AHNAK: variants seen among roughly 807,000 people sequenced by gnomAD.
The protein encoded by AHNAK is AHNAK nucleoprotein.
Under a neutral mutation model 37.8 loss-of-function variants are expected in AHNAK, and 23 were observed. The observed-to-expected ratio is 0.61, with a 90% CI of 0.44 to 0.86. The LOEUF (loss-of-function observed/expected upper bound fraction) is 0.86. Ranked by LOEUF, AHNAK falls within the 40% of genes least tolerant of loss-of-function variation. The probability of loss-of-function intolerance (pLI) is 0.00; values close to 1 mark genes in which losing one functional copy is unlikely to be tolerated. For synonymous variants in AHNAK, 2,481 were observed against 2,636.3 expected, an observed-to-expected ratio of 0.94 and a Z score of 1.80; for missense variants, 7,411 against 7,319.4, an observed-to-expected ratio of 1.01 and a Z score of -0.46.
intron 5 of AHNAK, among the ~76,000 whole-genome samples, chr11:62,482,573 TC>T (rs577662418): frequency 3.9e-4 from 60 of 152,228 alleles, no homozygotes; most frequent in Non-Finnish European, 7.4e-4. Flanking sequence ...TTGCACCTAC[TC>T]ACGAGAGCTA....
At chr11:62,478,103 G>C (rs1011275875) in intron 5 of AHNAK, among the ~76,000 whole-genome samples, 1 of 152,196 alleles carries the variant, frequency 6.6e-6, no homozygotes, top group African/African-American at 2.4e-5. Context: ...CTTAAGAGCA[G>C]AGCCCCTGGC....
chr11:62,539,833 T>C (rs1941069454), intron 1 of AHNAK, among the ~76,000 whole-genome samples: 1 of 152,236 alleles, frequency 6.6e-6, no homozygotes, highest in Non-Finnish European at 1.5e-5. Flanking sequence ...GTGGCCCTGC[T>C]GTCCTGGCAC....
chr11:62,538,696 C>T (rs555402326), intron 1 of AHNAK, among the ~76,000 whole-genome samples: 17 of 152,362 alleles, frequency 1.1e-4, no homozygotes, highest in East Asian at 7.7e-4. Flanking sequence ...ACATCACTCA[C>T]GCACCCATGT....
intron 4 of AHNAK, among the ~76,000 whole-genome samples, chr11:62,508,450 A>G (rs1409293037): frequency 6.6e-6 from 1 of 152,204 alleles, no homozygotes; most frequent in African/African-American, 2.4e-5. Flanking sequence ...GTGAGATCTC[A>G]AGAGATAAAG....
intron 5 of AHNAK, among the ~76,000 whole-genome samples, chr11:62,456,671 C>T (rs963304189): frequency 3.3e-5 from 5 of 152,100 alleles, no homozygotes; most frequent in African/African-American, 7.2e-5. Context: ...TGTCACCCCA[C>T]GAGCCCATCA....
At chr11:62,546,227 G>C (rs906467964) in intron 1 of AHNAK, among the ~76,000 whole-genome samples, 3 of 152,174 alleles carry the variant, frequency 2.0e-5, no homozygotes, top group Non-Finnish European at 4.4e-5. Flanking sequence ...GAGGCGCGGA[G>C]GCGCTGGGGG....
Position 62,530,037 on chromosome 11 carries a change from C to G in AHNAK, c.4380G>C (p.Leu1460Phe). ...KISIPDVGLH[L>F]KGPKMKGDYD... Reference sequence around the variant, plus strand: ...AATCTCCTTTCATTTTAGGACCTTTCAAATGCAAACCAACATCTGGTATGG... The same window carrying G: ...AATCTCCTTTCATTTTAGGACCTTTGAAATGCAAACCAACATCTGGTATGG... Residue 1460 changes from leucine (L) to phenylalanine (F), a missense_variant, in exon 5 of 5, where the codon TTG (leucine) becomes TTC (phenylalanine). By Grantham distance (22) the Leu-to-Phe change is conservative. Transcript: ENST00000378024. 6.2e-7 allele frequency: 1 copy of G among 1,613,958 alleles called. No homozygotes were observed. The highest frequency in any genetic ancestry group is 8.5e-7 in the Non-Finnish European group (1 of 1,179,990).
At chr11:62,445,540 A>C (rs2513066) in intron 5 of AHNAK, among the ~76,000 whole-genome samples, 5,595 of 152,184 alleles carry the variant, frequency 0.037, 353 homozygotes, top group African/African-American at 0.13. Context: ...AAGTGAGAGA[A>C]CAGGGGTAAT....
rs1940719328 is a variant in AHNAK, at chr11:62,530,915, C to G, written c.3502G>C (p.Asp1168His). 2 of 1,613,814 alleles carry G rather than the reference C, an allele frequency of 1.2e-6. No individual in the cohort carries two copies. Among genetic ancestry groups the G allele is most frequent in the Non-Finnish European group, 1.7e-6 (2 of 1,179,994 alleles). Residue 1168 changes from aspartate to histidine, a missense_variant, in exon 5 of 5, where the codon GAT (aspartate) becomes CAT (histidine). Coordinates refer to ENST00000378024, the MANE Select transcript of AHNAK (RefSeq NM_001620.3). ...CCTTCTGGACCTTCGAGGCTCACAT[C>G]TGGGGCTTCGATGTCCACCTTGGGT... ...SGPKVDIEAP[D>H]VSLEGPEGKL...
At chr11:62,489,751 G>A (rs1939465704) in intron 5 of AHNAK, among the ~76,000 whole-genome samples, 1 of 151,980 alleles carries the variant, frequency 6.6e-6, no homozygotes, top group Non-Finnish European at 1.5e-5. Context: ...GCCCCAAGAG[G>A]TTGCCCGGAG....
intron 5 of AHNAK, among the ~76,000 whole-genome samples, chr11:62,436,788 A>G (rs1407207083): frequency 2.0e-5 from 3 of 152,004 alleles, no homozygotes; most frequent in Non-Finnish European, 2.9e-5. Flanking sequence ...TACAAAAAAA[A>G]ATTAGCCGGG....
At chr11:62,541,168 G>A (rs1941111873) in intron 1 of AHNAK, among the ~76,000 whole-genome samples, 1 of 152,224 alleles carries the variant, frequency 6.6e-6, no homozygotes, top group Admixed American at 6.5e-5. Flanking sequence ...CCCAGAGACA[G>A]GCCACAGGCC....
chr11:62,462,273 ACT>A (rs1360067422), intron 5 of AHNAK, among the ~76,000 whole-genome samples: 4 of 150,248 alleles, frequency 2.7e-5, no homozygotes, highest in South Asian at 2.1e-4. Flanking sequence ...TCTCATCTCA[ACT>A]CTCTGGTCCT....
intron 5 of AHNAK, among the ~76,000 whole-genome samples, chr11:62,434,081 G>A (rs933056706): frequency 6.6e-6 from 1 of 152,078 alleles, no homozygotes; most frequent in Non-Finnish European, 1.5e-5. Flanking sequence ...GTCTCTTTTG[G>A]TCTTGCCACG....
At chr11:62,455,036 G>T (rs1185394944) in intron 5 of AHNAK, among the ~76,000 whole-genome samples, 1 of 151,030 alleles carries the variant, frequency 6.6e-6, no homozygotes, top group Non-Finnish European at 1.5e-5. Context: ...GGGTTCAAGC[G>T]ATTCTCCTGC....
At chr11:62,468,358 G>GAA (rs67985309) in intron 5 of AHNAK, among the ~76,000 whole-genome samples, 1 of 148,340 alleles carries the variant, frequency 6.7e-6, no homozygotes, top group African/African-American at 2.5e-5. Flanking sequence ...CCAAAAAAAA[G>GAA]AAAAAAAAAA....
At chr11:62,536,965 T>C (rs1397260562) in intron 1 of AHNAK, among the ~76,000 whole-genome samples, 1 of 151,596 alleles carries the variant, frequency 6.6e-6, no homozygotes, top group Non-Finnish European at 1.5e-5. Context: ...ATTTATTTTT[T>C]TTTTTTTGAG....
intron 5 of AHNAK, among the ~76,000 whole-genome samples, chr11:62,446,913 G>A (rs1428065040): frequency 2.0e-5 from 3 of 151,924 alleles, no homozygotes; most frequent in Non-Finnish European, 4.4e-5. Context: ...TCTGCCTCCT[G>A]CACCCAGTGA....
intron 5 of AHNAK, among the ~76,000 whole-genome samples, chr11:62,489,887 C>A (rs963991613): frequency 2.0e-5 from 3 of 152,060 alleles, no homozygotes; most frequent in Admixed American, 1.3e-4. Flanking sequence ...TCATCCTAAC[C>A]AAACAGACGT....
Sources: gnomAD v4.1 joint callset for allele counts (sites outside exome capture counted in the v4.1 genomes callset) on GRCh38, gnomAD v4.1.1 for gene constraint, MANE v1.5 for transcripts, NCBI Gene and HGNC (gene_info 2026-07-23, HGNC 2026-07-21) for gene names.